KBTBD12: variants seen among roughly 807,000 people sequenced by gnomAD.
The protein encoded by KBTBD12 is kelch repeat and BTB domain-containing protein 12.
A neutral mutation model predicts 58.7 loss-of-function variants in KBTBD12; 53 were observed. The ratio of observed to expected loss-of-function variants is 0.90; its 90% CI spans 0.72 to 1.14. The LOEUF (loss-of-function observed/expected upper bound fraction) is 1.14. KBTBD12 is among the 50% of genes most tolerant of loss of function. The probability of loss-of-function intolerance (pLI) is 0.00; values close to 1 mark genes in which losing one functional copy is unlikely to be tolerated. For missense variants in KBTBD12, 704 were observed against 751.3 expected, an observed-to-expected ratio of 0.94 and a Z score of 0.74; for synonymous variants, 236 against 259.8, an observed-to-expected ratio of 0.91 and a Z score of 0.88.
In KBTBD12 at chr3:127,964,161, G is replaced by T. The variant is rs567888919; in HGVS notation, c.1690+775G>T. The stretch of plus-strand genomic sequence containing the variant: ...GGCAGAATGCAGTTATATTAAAAAT[G>T]ACTAACTTGAATTATATTCTCACTA... On this transcript the variant is annotated intron_variant, in intron 5 of 5. Coordinates refer to ENST00000405109, the MANE Select transcript of KBTBD12 (RefSeq NM_207335.4). 3.9e-5 allele frequency among the ~76,000 whole-genome samples: 6 copies of T among 152,196 alleles called. No individual in the cohort carries two copies. The South Asian group carries it at 1.0e-3, about 26-fold the overall frequency.
chr3:127,917,654 A>G (rs1290871947), intron 1 of KBTBD12, among the ~76,000 whole-genome samples: 1 of 152,216 alleles, frequency 6.6e-6, no homozygotes, highest in Non-Finnish European at 1.5e-5. Context: ...TCATTAGTGT[A>G]CAGAAAGGTA....
chr3:127,965,782 G>A (rs1384116677), intron 5 of KBTBD12, among the ~76,000 whole-genome samples: 1 of 151,978 alleles, frequency 6.6e-6, no homozygotes, highest in African/African-American at 2.4e-5. Flanking sequence ...ACAGTAAGTC[G>A]AATAAACACA....
At chr3:127,939,559 C>T (rs757469245) in intron 4 of KBTBD12, among the ~76,000 whole-genome samples, 29 of 152,054 alleles carry the variant, frequency 1.9e-4, no homozygotes, top group Non-Finnish European at 3.7e-4. Context: ...ACTAAGTAGA[C>T]TATGAAATAA....
In KBTBD12 at chr3:127,984,439, GTC is replaced by G. The variant is rs1223303065; in HGVS notation, c.*164_*165del. On this transcript the variant is annotated 3_prime_UTR_variant, in exon 6 of 6. Coordinates refer to ENST00000405109, the MANE Select transcript of KBTBD12 (RefSeq NM_207335.4). ...GGGCACTGGGTGGGGAGCATGGGGA[GTC>G]TCCCTTCAGGGACTTCCCAGCCTGA... 4.6e-6 allele frequency: 3 copies of G among 650,278 alleles called. No homozygotes were observed. The East Asian group carries it at 8.5e-5, about 18-fold the overall frequency. The allele number at this position is 650,278 out of a possible 1,614,324, so 40.3% of individuals were successfully genotyped here.
At chr3:127,926,959 G>A (rs987797823) in intron 2 of KBTBD12, among the ~76,000 whole-genome samples, 5 of 151,972 alleles carry the variant, frequency 3.3e-5, no homozygotes, top group Admixed American at 6.6e-5. Context: ...TGGAGATAAA[G>A]ACTTATCATA....
In KBTBD12 at chr3:127,984,524, G is replaced by A; in HGVS notation, c.*246G>A. The A allele has an allele frequency of 2.6e-6, 1 of 391,712 alleles. No individual in the cohort carries two copies. The highest frequency in any genetic ancestry group is 4.0e-5 in the Admixed American group (1 of 25,028). The allele number at this position is 391,712 out of a possible 1,614,324, so 24.3% of individuals were successfully genotyped here. On this transcript the variant is annotated 3_prime_UTR_variant, in exon 6 of 6. Transcript: ENST00000405109. ...ATGACGGCCACAGGAGGGGCACAGG[G>A]CCACAGGAGAGCAGCAGAGGGAGGG...
At chr3:127,917,874 C>T (rs992333215) in intron 1 of KBTBD12, among the ~76,000 whole-genome samples, 1 of 152,032 alleles carries the variant, frequency 6.6e-6, no homozygotes, top group African/African-American at 2.4e-5. Context: ...TTGAACAAAC[C>T]GTATTGAGCA....
chr3:127,930,392 A>G, intron 4 of KBTBD12, 109 bp downstream of exon 4: 1 of 880,162 alleles, frequency 1.1e-6, no homozygotes, highest in African/African-American at 1.7e-5. Context: ...GTTCAAATTT[A>G]TATACAACTA....
intron 4 of KBTBD12, among the ~76,000 whole-genome samples, chr3:127,943,025 C>T (rs1939990520): frequency 6.6e-6 from 1 of 152,150 alleles, no homozygotes; most frequent in Non-Finnish European, 1.5e-5. Context: ...ACTTTGAAAA[C>T]AGCACGAAGC....
chr3:127,984,746 G>A lies in KBTBD12; in HGVS notation c.*468G>A, dbSNP rs571542374. On this transcript the variant is annotated 3_prime_UTR_variant, in exon 6 of 6. Transcript: ENST00000405109. ...GCTGGGCCAGATTGCCTGGGGCACA[G>A]GGTTTGTGGTCAAGGCTGGAAAAGT... 84 of 153,336 alleles carry A rather than the reference G, an allele frequency of 5.5e-4. No individual in the cohort carries two copies. The highest frequency in any genetic ancestry group is 9.3e-4 in the Non-Finnish European group (64 of 68,748). The allele number at this position is 153,336 out of a possible 1,614,324, so 9.5% of individuals were successfully genotyped here. A position where few individuals can be genotyped will look rare whatever the true frequency, so the allele number is the denominator to read the frequency against.
chr3:127,967,929 C>A (rs1372593268), intron 5 of KBTBD12, among the ~76,000 whole-genome samples: 1 of 152,110 alleles, frequency 6.6e-6, no homozygotes, highest in Non-Finnish European at 1.5e-5. Context: ...TAGCATACAG[C>A]CTTAGAAGAT....
At chr3:127,916,969 C>G (rs1419150245) in intron 1 of KBTBD12, among the ~76,000 whole-genome samples, 3 of 152,218 alleles carry the variant, frequency 2.0e-5, no homozygotes, top group South Asian at 2.1e-4. Flanking sequence ...GGAAAAAACA[C>G]AGAACTGTTT....
intron 5 of KBTBD12, among the ~76,000 whole-genome samples, chr3:127,978,463 T>C (rs950703455): frequency 1.3e-5 from 2 of 152,216 alleles, no homozygotes; most frequent in Admixed American, 1.3e-4. Flanking sequence ...CTCATTTTTT[T>C]CCCTTGATAT....
At position 127,923,831 on chromosome 3, in the gene KBTBD12, T is replaced by A; in HGVS notation, c.770T>A (p.Ile257Asn). The change falls in exon 2 of 6, where the codon ATC becomes AAC. Residue 257 changes from isoleucine (I) to asparagine (N), a missense_variant. Ile to Asn is a moderately radical substitution (Grantham distance 149, BLOSUM62 -3). Transcript: ENST00000405109. The part of the protein sequence containing the change: ...VDIIQNAFKA[I>N]KTPQQHSLNL... Reference sequence around the variant, plus strand: ...ATAATTCAAAATGCATTCAAAGCCATCAAGACACCCCAACAGCACTCTCTA... The same window carrying A: ...ATAATTCAAAATGCATTCAAAGCCAACAAGACACCCCAACAGCACTCTCTA... 1 of 1,613,906 alleles carries A rather than the reference T, an allele frequency of 6.2e-7. No individual in the cohort carries two copies. Among genetic ancestry groups the A allele is most frequent in the Non-Finnish European group, 8.5e-7 (1 of 1,179,824 alleles).
chr3:127,930,732 G>C (rs1322458982), intron 4 of KBTBD12, among the ~76,000 whole-genome samples: 2 of 152,124 alleles, frequency 1.3e-5, no homozygotes, highest in African/African-American at 4.8e-5. Context: ...TTCTAGAGAG[G>C]TGTTATCAAA....
chr3:127,984,476 T>G lies in KBTBD12; in HGVS notation c.*198T>G. On this transcript the variant is annotated 3_prime_UTR_variant, in exon 6 of 6. Transcript: ENST00000405109. The stretch of plus-strand genomic sequence containing the variant: ...GGACTTCCCAGCCTGATAGGGTAAA[T>G]AAGACACTACAAAGAAGAGGTGATG... The G allele has an allele frequency of 1.9e-6, 1 of 529,816 alleles. No homozygotes were observed. Among genetic ancestry groups the G allele is most frequent in the East Asian group, 3.2e-5 (1 of 31,164 alleles). The allele number at this position is 529,816 out of a possible 1,614,324, so 32.8% of individuals were successfully genotyped here. A position where few individuals can be genotyped will look rare whatever the true frequency, so the allele number is the denominator to read the frequency against.
In KBTBD12 at chr3:127,985,351, A is replaced by T. The variant is rs541641370; in HGVS notation, c.*1073A>T. The T allele has an allele frequency of 6.6e-6, 1 of 152,228 alleles. No homozygotes were observed. Among genetic ancestry groups the T allele is most frequent in the Non-Finnish European group, 1.5e-5 (1 of 68,040 alleles). The allele number at this position is 152,228 out of a possible 1,614,324, so 9.4% of individuals were successfully genotyped here. ...GCATAATCAGAAGACAGTCACTCCC[A>T]AAATATATGTTAGAAATAACATTTA... On this transcript the variant is annotated 3_prime_UTR_variant, in exon 6 of 6. Transcript: ENST00000405109.
intron 4 of KBTBD12, among the ~76,000 whole-genome samples, chr3:127,933,418 G>C (rs7631454): frequency 0.056 from 8,559 of 152,222 alleles, 281 homozygotes; most frequent in East Asian, 0.097. Flanking sequence ...AGTTCTCCTA[G>C]GCTGAGATCT....
chr3:127,929,223 G>C (rs1213605324), intron 3 of KBTBD12, among the ~76,000 whole-genome samples: 1 of 152,196 alleles, frequency 6.6e-6, no homozygotes, highest in Non-Finnish European at 1.5e-5. Context: ...GAAAGGCTTT[G>C]CTACCCGATT....
Sources: allele counts gnomAD v4.1 joint callset (sites outside exome capture counted in the v4.1 genomes callset), GRCh38; gene constraint gnomAD v4.1.1; transcripts MANE v1.5; gene names NCBI Gene and HGNC (gene_info 2026-07-23, HGNC 2026-07-21).